ODF1: variants seen among roughly 807,000 people sequenced by gnomAD.
The protein encoded by ODF1 is outer dense fiber protein 1.
Under a neutral mutation model 24.0 loss-of-function variants are expected in ODF1, and 10 were observed. The ratio of observed to expected loss-of-function variants is 0.42; its 90% CI spans 0.26 to 0.71. The LOEUF (loss-of-function observed/expected upper bound fraction) is 0.71. Among genes scored for constraint, ODF1 ranks in the 30% least tolerant of loss-of-function variants. ODF1 has a pLI of 0.28. For synonymous variants in ODF1, 118 were observed against 121.3 expected (o/e 0.97, Z 0.18); for missense variants, 282 against 307.9 (o/e 0.92, Z 0.63).
At chr8:102,558,035 AT>A (rs34452810) in intron 1 of ODF1, among the ~76,000 whole-genome samples, 1,833 of 152,284 alleles carry the variant, frequency 0.012, 17 homozygotes, top group Middle Eastern at 0.027. Context: ...AAAGATAAAG[AT>A]TTCAAACAGT....
intron 1 of ODF1, among the ~76,000 whole-genome samples, chr8:102,555,127 G>A (rs1211605637): frequency 6.6e-6 from 1 of 152,090 alleles, no homozygotes; most frequent in African/African-American, 2.4e-5. Flanking sequence ...GAGGCAGGCA[G>A]TGTCCCTGTC....
intron 1 of ODF1, among the ~76,000 whole-genome samples, chr8:102,556,987 G>A (rs1826119085): frequency 1.3e-5 from 2 of 152,206 alleles, no homozygotes; most frequent in Admixed American, 1.3e-4. Context: ...GAAGATGGCT[G>A]GGTATGCAGC....
chr8:102,556,427 GTTGTTGTTTTGTT>G (rs777505228), intron 1 of ODF1, among the ~76,000 whole-genome samples: 7 of 113,574 alleles, frequency 6.2e-5, no homozygotes, highest in African/African-American at 1.4e-4. Context: ...TTTTGTTGTT[GTTGTTGTTTTGTT>G]TTGTTTTGTT....
chr8:102,556,061 A>G, intron 1 of ODF1, among the ~76,000 whole-genome samples: 1 of 152,266 alleles, frequency 6.6e-6, no homozygotes, highest in East Asian at 1.9e-4. Context: ...CTTGATTAAG[A>G]AGACATACAC....
chr8:102,555,330 C>G (rs1431372785), intron 1 of ODF1, among the ~76,000 whole-genome samples: 1 of 152,162 alleles, frequency 6.6e-6, no homozygotes, highest in African/African-American at 2.4e-5. Context: ...AGTTTATGAT[C>G]TAATTCATGG....
chr8:102,551,814 C>T lies in ODF1; in HGVS notation c.87C>T (p.Asp29=), dbSNP rs369351331. The change falls in exon 1 of 2, where the codon GAC becomes GAT. Residue 29 remains aspartate, a synonymous_variant. Coordinates refer to ENST00000285402, the MANE Select transcript of ODF1 (RefSeq NM_024410.4). The part of the protein sequence containing the change: ...DRELRQLRCI[D]EFSTRCLCDL... ...AACTAAGGCAACTGAGATGCATCGA[C>T]GAATTTAGCACACGGTGCCTGTGCG... 18 of 1,614,022 alleles carry T rather than the reference C, an allele frequency of 1.1e-5. No individual in the cohort carries two copies. The highest frequency in any genetic ancestry group is 6.7e-5 in the African/African-American group (5 of 74,890).
chr8:102,557,363 C>A (rs1296767964), intron 1 of ODF1, among the ~76,000 whole-genome samples: 4 of 152,044 alleles, frequency 2.6e-5, no homozygotes, highest in Non-Finnish European at 5.9e-5. Flanking sequence ...TCCCCTAAAC[C>A]AACACATCTT....
Position 102,560,668 on chromosome 8 carries a change from C to T in ODF1, c.537C>T (p.Pro179=), listed in dbSNP as rs1485945880. The T allele has an allele frequency of 6.2e-7, 1 of 1,614,060 alleles. No individual in the cohort carries two copies. Among genetic ancestry groups the T allele is most frequent in the African/African-American group, 1.3e-5 (1 of 74,920 alleles). ...TCTGCAAAGAGTTCAGCTTGCCGCC[C>T]TGTGTGGATGAGAAGGATGTAACAT... ...MNICKEFSLP[P]CVDEKDVTYS... Residue 179 remains proline (P), a synonymous_variant, in exon 2 of 2, where the codon CCC becomes CCT. Transcript: ENST00000285402.
chr8:102,560,820 A>G lies in ODF1; in HGVS notation c.689A>G (p.Tyr230Cys), dbSNP rs1300024697. Residue 230 changes from tyrosine (Y) to cysteine (C), a missense_variant, in exon 2 of 2, where the codon TAT becomes TGT. By Grantham distance (194) the Tyr-to-Cys change is radical (BLOSUM62 -2). Coordinates refer to ENST00000285402, the MANE Select transcript of ODF1 (RefSeq NM_024410.4). Reference sequence around the variant, plus strand: ...AGCCCCTGCAACCCGTGCAGCCCATATGATCCTTGCAACCCGTGTTATCCC... The same window carrying G: ...AGCCCCTGCAACCCGTGCAGCCCATGTGATCCTTGCAACCCGTGTTATCCC... The part of the protein sequence containing the change: ...PCSPCNPCSP[Y>C]DPCNPCYPCG... The G allele has an allele frequency of 1.2e-6, 2 of 1,612,818 alleles. No individual in the cohort carries two copies.
Position 102,551,866 on chromosome 8 carries a change from T to C in ODF1, c.139T>C (p.Cys47Arg). 1 of 1,614,176 alleles carries C rather than the reference T, an allele frequency of 6.2e-7. No individual in the cohort carries two copies. The highest frequency in any genetic ancestry group is 8.5e-7 in the Non-Finnish European group (1 of 1,180,038). The part of the protein sequence containing the change: ...CDLYMHPYCC[C>R]DLHPYPYCLC... ...CTTGTATATGCACCCCTATTGCTGC[T>C]GTGACTTGCACCCATATCCGTACTG... Residue 47 changes from cysteine (C) to arginine (R), a missense_variant, in exon 1 of 2, where the codon TGT (cysteine) becomes CGT (arginine). Coordinates refer to ENST00000285402, the MANE Select transcript of ODF1 (RefSeq NM_024410.4).
At chr8:102,553,656 T>A (rs1247411146) in intron 1 of ODF1, among the ~76,000 whole-genome samples, 1 of 152,196 alleles carries the variant, frequency 6.6e-6, no homozygotes, top group African/African-American at 2.4e-5. Context: ...CTTGTCCAGG[T>A]CTTTCCAGCC....
rs1461141673 is a variant in ODF1 at position 102,551,741 on chromosome 8, G to A, written c.14G>A (p.Ser5Asn). 6.3e-7 allele frequency: 1 copy of A among 1,597,826 alleles called. No homozygotes were observed. The highest frequency in any genetic ancestry group is 1.7e-5 in the Admixed American group (1 of 59,520). MAAL[S>N]CLLDSVRRDI... ...GGTGTGACCATAATGGCTGCACTGAGTTGTCTCTTGGACAGTGTCAGAAGG... is the reference window on the plus strand; with the variant it reads ...GGTGTGACCATAATGGCTGCACTGAATTGTCTCTTGGACAGTGTCAGAAGG... The change falls in exon 1 of 2, where the codon AGT (serine) becomes AAT (asparagine). Residue 5 changes from serine (S) to asparagine (N), a missense_variant. Coordinates refer to ENST00000285402, the MANE Select transcript of ODF1 (RefSeq NM_024410.4).
At chr8:102,553,001 TAGATAGA>T (rs1826062208) in intron 1 of ODF1, among the ~76,000 whole-genome samples, 2 of 80,324 alleles carry the variant, frequency 2.5e-5, no homozygotes, top group Admixed American at 2.7e-4. Flanking sequence ...GATAGATAGA[TAGATAGA>T]TAGATAGATG....
At chr8:102,560,268 A>C (rs1234586810) in intron 1 of ODF1, among the ~76,000 whole-genome samples, 184 bp from the exon 2 acceptor site, 4 of 152,192 alleles carry the variant, frequency 2.6e-5, no homozygotes, top group African/African-American at 4.8e-5. Flanking sequence ...CTTGCGGGGC[A>C]GTGTGATTCG....
chr8:102,552,761 G>T (rs1234677042), intron 1 of ODF1, among the ~76,000 whole-genome samples: 2 of 152,052 alleles, frequency 1.3e-5, no homozygotes, highest in African/African-American at 4.8e-5. Flanking sequence ...TTTTCTTTTT[G>T]CCTGGAGAAA....
chr8:102,558,067 G>T (rs550929772), intron 1 of ODF1, among the ~76,000 whole-genome samples: 1 of 152,272 alleles, frequency 6.6e-6, no homozygotes, highest in Non-Finnish European at 1.5e-5. Context: ...CCTACTTCTT[G>T]TTAGTGTGGC....
chr8:102,557,414 T>A (rs989055174), intron 1 of ODF1, among the ~76,000 whole-genome samples: 1 of 152,188 alleles, frequency 6.6e-6, no homozygotes, highest in Non-Finnish European at 1.5e-5. Flanking sequence ...GAAAAAGAAG[T>A]ATGATCTGGC....
In ODF1 at chr8:102,560,775, GCAGCCCCTGCAACCCC is replaced by G. The variant is rs745331870; in HGVS notation, c.645_660del (p.Ser216AlafsTer28). 12 of 699,612 alleles carry G rather than the reference GCAGCCCCTGCAACCCC, an allele frequency of 1.7e-5. No individual in the cohort carries two copies. Among genetic ancestry groups the G allele is most frequent in the African/African-American group, 1.4e-4 (6 of 44,050 alleles). 43.3% of individuals were successfully genotyped at this position (699,612 alleles called of 1,614,324 possible). On this transcript the variant is annotated frameshift_variant, in exon 2 of 2. Coordinates refer to ENST00000285402, the MANE Select transcript of ODF1 (RefSeq NM_024410.4). LOFTEE classifies it high-confidence loss of function. ...TCTCCTTGCAGCCCCTGCAGCCCCTGCAGCCCCTGCAACCCCTGCAGCCCCTGCAACCCGTGCAGCC... is the reference window on the plus strand; with the variant it reads ...TCTCCTTGCAGCCCCTGCAGCCCCTGTGCAGCCCCTGCAACCCGTGCAGCC...
Position 102,551,699 on chromosome 8 carries a change from T to C in ODF1, c.-29T>C. 6.6e-7 allele frequency: 1 copy of C among 1,525,038 alleles called. No individual in the cohort carries two copies. The highest frequency in any genetic ancestry group is 1.4e-5 in the African/African-American group (1 of 72,794). 94.5% of individuals were successfully genotyped at this position (1,525,038 alleles called of 1,614,324 possible). A position where few individuals can be genotyped will look rare whatever the true frequency, so the allele number is the denominator to read the frequency against. ...TTCCCGGAGTGCCATTTCCCAAAGG[T>C]ACTCACAGAACAATCAGGTGTGACC... On this transcript the variant is annotated 5_prime_UTR_variant, in exon 1 of 2. Coordinates refer to ENST00000285402, the MANE Select transcript of ODF1 (RefSeq NM_024410.4).
Sources: allele counts gnomAD v4.1 joint callset (sites outside exome capture counted in the v4.1 genomes callset), GRCh38; gene constraint gnomAD v4.1.1; transcripts MANE v1.5; gene names NCBI Gene and HGNC (gene_info 2026-07-23, HGNC 2026-07-21).